Variants in PARVA observed in about 807,000 individuals in gnomAD.
The protein encoded by PARVA is parvin alpha, also known as alpha-parvin.
PARVA carries 25 observed loss-of-function variants against 52.6 expected under a neutral mutation model. The observed-to-expected ratio is 0.48, with a 90% CI of 0.35 to 0.66. The LOEUF is 0.66. PARVA is among the 30% of genes least tolerant of loss of function. PARVA has a pLI of 0.01. For synonymous variants in PARVA, 185 were observed against 179.1 expected (o/e 1.03, Z -0.26); for missense variants, 373 against 450.9 (o/e 0.83, Z 1.56).
intron 1 of PARVA, among the ~76,000 whole-genome samples, chr11:12,381,067 G>T (rs1939478246): frequency 6.6e-6 from 1 of 152,192 alleles, no homozygotes; most frequent in African/African-American, 2.4e-5. Flanking sequence ...CTTCTGAAGG[G>T]CCAGCCACCA....
chr11:12,395,110 A>G (rs1309499657), intron 1 of PARVA, among the ~76,000 whole-genome samples: 1 of 149,634 alleles, frequency 6.7e-6, no homozygotes, highest in Non-Finnish European at 1.5e-5. Flanking sequence ...AAAAAAAAAG[A>G]AAGAAGAGGC....
At chr11:12,462,786 G>GT (rs1300926577) in intron 1 of PARVA, among the ~76,000 whole-genome samples, 2 of 152,084 alleles carry the variant, frequency 1.3e-5, no homozygotes, top group Non-Finnish European at 2.9e-5. Context: ...TAATAAAGTA[G>GT]AAATGACCCT....
At position 12,514,026 on chromosome 11, in the gene PARVA, G is replaced by A. The variant is rs141314414; in HGVS notation, c.828G>A (p.Leu276=). The A allele has an allele frequency of 7.4e-3, 11,881 of 1,614,032 alleles. 51 individuals carry two copies. The highest frequency in any genetic ancestry group is 8.4e-3 in the Non-Finnish European group (9,926 of 1,179,898). Residue 276 remains leucine (L), a synonymous_variant, in exon 10 of 13, where the codon CTG becomes CTA. Transcript: ENST00000334956. ...TCATCACTTTCGTGAACAAGCACCT[G>A]AATAAACTGAACCTGGAGGTCACAG... ...KTLITFVNKH[L]NKLNLEVTEL... is the part of the protein sequence containing the mutation.
chr11:12,522,607 C>A (rs776895394), intron 12 of PARVA, among the ~76,000 whole-genome samples: 16 of 151,598 alleles, frequency 1.1e-4, no homozygotes, highest in Non-Finnish European at 1.2e-4. Flanking sequence ...TTAGTAGAGA[C>A]GGGGTTTCAC....
At chr11:12,508,691 T>C in intron 7 of PARVA, 49 bp downstream of exon 7, 2 of 1,347,170 alleles carry the variant, frequency 1.5e-6, no homozygotes, top group Non-Finnish European at 2.1e-6. Context: ...AACACAGATG[T>C]TTCTCTGAAA....
chr11:12,498,583 T>C (rs1012261075), intron 5 of PARVA, among the ~76,000 whole-genome samples: 4 of 147,788 alleles, frequency 2.7e-5, no homozygotes, highest in African/African-American at 1.0e-4. Flanking sequence ...TTTTTTTTTT[T>C]TTTTTTTTTG....
intron 4 of PARVA, among the ~76,000 whole-genome samples, chr11:12,484,747 A>C (rs918187961): frequency 1.3e-5 from 2 of 151,704 alleles, no homozygotes; most frequent in Admixed American, 6.6e-5. Flanking sequence ...TAAGAGATCA[A>C]GTAGGAGTTT....
At position 12,528,046 on chromosome 11, in the gene PARVA, C is replaced by T. The variant is rs1239447707; in HGVS notation, c.*121C>T. The T allele has an allele frequency of 1.5e-5, 11 of 754,602 alleles. No homozygotes were observed. The Admixed American group carries it at 2.0e-4, about 14-fold the overall frequency. 46.7% of individuals were successfully genotyped at this position (754,602 alleles called of 1,614,324 possible). On this transcript the variant is annotated 3_prime_UTR_variant, in exon 13 of 13. Coordinates refer to ENST00000334956, the MANE Select transcript of PARVA (RefSeq NM_018222.5). ...GCACTGTGCTCTCCCACAAGTCCAG[C>T]TGCAACCCAGAGATAGTGGAAACTG... is the stretch of plus-strand genomic sequence containing the variant.
Position 12,400,616 on chromosome 11 carries a change from TTC to T in PARVA, c.136+22835_136+22836del, listed in dbSNP as rs1491259658. On this transcript the variant is annotated intron_variant, in intron 1 of 12. Coordinates refer to ENST00000334956, the MANE Select transcript of PARVA (RefSeq NM_018222.5). The stretch of plus-strand genomic sequence containing the variant: ...ATAATGTAGCAAGTGTATGGGACTT[TTC>T]TTGAGTATTTCCAATTATTTCTTCA... Among the ~76,000 whole-genome samples the T allele has an allele frequency of 2.0e-3, 301 of 150,548 alleles. 1 individual carries two copies. Among genetic ancestry groups the T allele is most frequent in the African/African-American group, 7.2e-3 (291 of 40,578 alleles).
intron 1 of PARVA, among the ~76,000 whole-genome samples, chr11:12,453,441 G>A (rs1940651111): frequency 6.6e-6 from 1 of 152,126 alleles, no homozygotes. Flanking sequence ...CCTAAGACCT[G>A]ACAGTGAGCT....
intron 1 of PARVA, among the ~76,000 whole-genome samples, chr11:12,379,376 C>T (rs1225269617): frequency 6.6e-6 from 1 of 152,144 alleles, no homozygotes; most frequent in East Asian, 1.9e-4. Context: ...GTTCACATGC[C>T]TCGGACAAAA....
rs1304726548 is a variant in PARVA, at chr11:12,533,252, G to A, written c.*5327G>A. Among the ~76,000 whole-genome samples the A allele has an allele frequency of 1.3e-5, 2 of 152,230 alleles. No individual in the cohort carries two copies. The highest frequency in any genetic ancestry group is 2.4e-5 in the African/African-American group (1 of 41,454). Reference sequence around the variant, plus strand: ...AATAAGGGGCCTACCAGGCCAGAACGCTGATCCATGGAGACCAGTGCTTCC... The same window carrying A: ...AATAAGGGGCCTACCAGGCCAGAACACTGATCCATGGAGACCAGTGCTTCC... On this transcript the variant is annotated 3_prime_UTR_variant, in exon 13 of 13. Coordinates refer to ENST00000334956, the MANE Select transcript of PARVA (RefSeq NM_018222.5).
rs776600526 is a variant in PARVA at position 12,508,654 on chromosome 11, C to G, written c.716+12C>G. On this transcript the variant is annotated intron_variant, in intron 7 of 12. Transcript: ENST00000334956. Reference sequence around the variant, plus strand: ...ACTGGTAACACAGAGTATGTCAACACCATTGTTGCCAGCGATTCTGTAATG... The same window carrying G: ...ACTGGTAACACAGAGTATGTCAACAGCATTGTTGCCAGCGATTCTGTAATG... 1.9e-6 allele frequency: 3 copies of G among 1,577,606 alleles called. No individual in the cohort carries two copies. Among genetic ancestry groups the G allele is most frequent in the South Asian group, 1.1e-5 (1 of 89,018 alleles).
intron 4 of PARVA, 98 bp from the exon 5 acceptor site, chr11:12,496,360 A>ATGAGTGCATGCATGCT: frequency 7.9e-7 from 1 of 1,261,118 alleles, no homozygotes; most frequent in Non-Finnish European, 1.1e-6. Context: ...GCATGCATGC[A>ATGAGTGCATGCATGCT]TGAGTGCATG....
intron 1 of PARVA, among the ~76,000 whole-genome samples, chr11:12,432,190 C>T (rs1940324838): frequency 6.6e-6 from 1 of 152,148 alleles, no homozygotes; most frequent in South Asian, 2.1e-4. Flanking sequence ...TTCTTTCTCA[C>T]CTGTCTCTTG....
At chr11:12,394,695 A>T (rs1027575556) in intron 1 of PARVA, among the ~76,000 whole-genome samples, 2 of 152,202 alleles carry the variant, frequency 1.3e-5, no homozygotes, top group Non-Finnish European at 2.9e-5. Flanking sequence ...GATTACAATC[A>T]TCCTCCTGTA....
At chr11:12,395,638 T>C (rs1939731819) in intron 1 of PARVA, among the ~76,000 whole-genome samples, 1 of 152,170 alleles carries the variant, frequency 6.6e-6, no homozygotes, top group African/African-American at 2.4e-5. Context: ...TGCATGTTAA[T>C]TAAACAGTGA....
At chr11:12,448,725 C>T (rs1940580917) in intron 1 of PARVA, among the ~76,000 whole-genome samples, 1 of 152,154 alleles carries the variant, frequency 6.6e-6, no homozygotes. Context: ...GTCAGCTGGT[C>T]CCTGTCATGG....
Position 12,530,280 on chromosome 11 carries a change from G to A in PARVA, c.*2355G>A, listed in dbSNP as rs963330487. 2.6e-5 allele frequency: 4 copies of A among 151,982 alleles called. No individual in the cohort carries two copies. Among genetic ancestry groups the A allele is most frequent in the Admixed American group, 6.6e-5 (1 of 15,250 alleles). 9.4% of individuals were successfully genotyped at this position (151,982 alleles called of 1,614,324 possible). On this transcript the variant is annotated 3_prime_UTR_variant, in exon 13 of 13. Coordinates refer to ENST00000334956, the MANE Select transcript of PARVA (RefSeq NM_018222.5). ...TTTTCTAATGCTGTCATCTCAGTTCGATATTTTACTTTAGAACCTGGAATC... is the reference window on the plus strand; with the variant it reads ...TTTTCTAATGCTGTCATCTCAGTTCAATATTTTACTTTAGAACCTGGAATC...
Sources: allele counts gnomAD v4.1 joint callset (sites outside exome capture counted in the v4.1 genomes callset), GRCh38; gene constraint gnomAD v4.1.1; transcripts MANE v1.5; gene names NCBI Gene and HGNC (gene_info 2026-07-23, HGNC 2026-07-21).